DENND3: variants seen among roughly 807,000 people sequenced by gnomAD.
The protein encoded by DENND3 is DENN domain containing 3, also known as DENN domain-containing protein 3.
Under a neutral mutation model 135.1 loss-of-function variants are expected in DENND3, and 88 were observed. That is an observed-to-expected ratio of 0.65 (90% CI 0.55 to 0.78). DENND3 has a LOEUF of 0.78. Ranked by LOEUF, DENND3 falls within the 30% of genes least tolerant of loss-of-function variation. The probability of loss-of-function intolerance (pLI) is 0.00; values close to 1 mark genes in which losing one functional copy is unlikely to be tolerated. For synonymous variants in DENND3, 693 were observed against 712.3 expected, an observed-to-expected ratio of 0.97 and a Z score of 0.43; for missense variants, 1,392 against 1,688.4, an observed-to-expected ratio of 0.82 and a Z score of 3.08.
chr8:141,154,208 G>C lies in DENND3; in HGVS notation c.1075-1641G>C, dbSNP rs902435793. ...GGCCCAGAATGAGAGCCGGGGAGTCGGGGCCTTCCCCAGGAACCTGGCATT... is the reference window on the plus strand; with the variant it reads ...GGCCCAGAATGAGAGCCGGGGAGTCCGGGCCTTCCCCAGGAACCTGGCATT... On this transcript the variant is annotated intron_variant, in intron 7 of 22. Coordinates refer to ENST00000519811, the MANE Select transcript of DENND3 (RefSeq NM_001352890.3). This position sits in a 1 kb window ranked among gnomAD's most constrained non-coding sequence, Gnocchi z 4.4. Among the ~76,000 whole-genome samples, 1 of 152,230 alleles carries C rather than the reference G, an allele frequency of 6.6e-6. No homozygotes were observed. Among genetic ancestry groups the C allele is most frequent in the Admixed American group, 6.5e-5 (1 of 15,292 alleles).
rs751048030 is a variant in DENND3, at chr8:141,168,399, C to A, written c.2149C>A (p.His717Asn). Residue 717 changes from histidine to asparagine, a missense_variant, in exon 13 of 23, where the codon CAC (histidine) becomes AAC (asparagine). Coordinates refer to ENST00000519811, the MANE Select transcript of DENND3 (RefSeq NM_001352890.3). The surrounding 1 kb of genome is among the most constrained non-coding windows in gnomAD (Gnocchi z 6.2). ...KPHEASKLDD[H>N]VKKFKLPKKH... Reference sequence around the variant, plus strand: ...GCACGAGGCCTCGAAGCTGGACGACCACGTGAAGAAGTTCAAGCTGCCCAA... The same window carrying A: ...GCACGAGGCCTCGAAGCTGGACGACAACGTGAAGAAGTTCAAGCTGCCCAA... 6.2e-7 allele frequency: 1 copy of A among 1,613,896 alleles called. No homozygotes were observed.
rs910918133 is a variant in DENND3, at chr8:141,173,194, C to T, written c.2276-2006C>T. ...CAGCACAGGGGCTGCAGAGACCTGG[C>T]CTGACAGGCCCCGCCCACTGGGCCA... On this transcript the variant is annotated intron_variant, in intron 13 of 22. Transcript: ENST00000519811. Among the ~76,000 whole-genome samples the T allele has an allele frequency of 3.3e-5, 5 of 152,270 alleles. No individual in the cohort carries two copies. The South Asian group carries it at 6.2e-4, about 19-fold the overall frequency.
At chr8:141,143,199 C>T (rs1324400783) in intron 4 of DENND3, among the ~76,000 whole-genome samples, 1 of 152,132 alleles carries the variant, frequency 6.6e-6, no homozygotes, top group African/African-American at 2.4e-5. Flanking sequence ...CAAAATATGT[C>T]TCCACGTGGA....
At position 141,174,218 on chromosome 8, in the gene DENND3, A is replaced by T. The variant is rs1255938685; in HGVS notation, c.2276-982A>T. ...TCTTGGAAGAATGTGGCTGTGGTATACAGAAGCAGCCCTGAGTGTTAAACA... is the reference window on the plus strand; with the variant it reads ...TCTTGGAAGAATGTGGCTGTGGTATTCAGAAGCAGCCCTGAGTGTTAAACA... On this transcript the variant is annotated intron_variant, in intron 13 of 22. Coordinates refer to ENST00000519811, the MANE Select transcript of DENND3 (RefSeq NM_001352890.3). This position sits in a 1 kb window ranked among gnomAD's most constrained non-coding sequence, Gnocchi z 4.6. Among the ~76,000 whole-genome samples, 1 of 152,118 alleles carries T rather than the reference A, an allele frequency of 6.6e-6. No homozygotes were observed. Among genetic ancestry groups the T allele is most frequent in the Non-Finnish European group, 1.5e-5 (1 of 68,030 alleles).
intron 7 of DENND3, among the ~76,000 whole-genome samples, chr8:141,153,552 C>G (rs934136973): frequency 3.3e-5 from 5 of 152,196 alleles, no homozygotes; most frequent in Non-Finnish European, 5.9e-5. Flanking sequence ...ATGCTTCCCC[C>G]ACAAGTGTTG....
chr8:141,132,718 G>T (rs940722155), intron 1 of DENND3, among the ~76,000 whole-genome samples: 1 of 152,148 alleles, frequency 6.6e-6, no homozygotes, highest in Non-Finnish European at 1.5e-5. Flanking sequence ...AGACAACAGA[G>T]ATTTCATTCT....
In DENND3 at chr8:141,189,039, C is replaced by T. The variant is rs749465053; in HGVS notation, c.3138C>T (p.Ser1046=). ...AGGTGTGGGTTGGCTCGGAAGACTC[C>T]GTCATCTACATCATCAACGTCCACA... is the stretch of plus-strand genomic sequence containing the variant. ...QNQVWVGSED[S]VIYIINVHSM... The change falls in exon 19 of 23, where the codon TCC becomes TCT. Residue 1046 remains serine (S), a synonymous_variant. Transcript: ENST00000519811. 8.1e-6 allele frequency: 13 copies of T among 1,614,064 alleles called. No homozygotes were observed. In the Admixed American group the frequency reaches 8.3e-5, roughly 10 times the overall value.
At position 141,194,049 on chromosome 8, in the gene DENND3, G is replaced by A. The variant is rs73364408; in HGVS notation, c.3653G>A (p.Arg1218Gln). The stretch of plus-strand genomic sequence containing the variant: ...CCCTGGCAGGTCTGGGTGGGCAGCC[G>A]AGGGCTGGGGCAGGGAACACCCAAG... ...RVKKQVWVGSRGLGQGTPKGK... is the reference protein window; with the variant it reads ...RVKKQVWVGSQGLGQGTPKGK... The change falls in exon 23 of 23, where the codon CGA becomes CAA. Residue 1218 changes from arginine (R) to glutamine (Q), a missense_variant. Transcript: ENST00000519811. The A allele has an allele frequency of 6.1e-4, 990 of 1,613,598 alleles. 4 individuals carry two copies. In the African/African-American group the frequency reaches 7.3e-3, roughly 12 times the overall value.
At position 141,194,092 on chromosome 8, in the gene DENND3, T is replaced by G; in HGVS notation, c.3696T>G (p.Ile1232Met). The G allele has an allele frequency of 1.2e-6, 2 of 1,613,918 alleles. No homozygotes were observed. The highest frequency in any genetic ancestry group is 1.7e-6 in the Non-Finnish European group (2 of 1,179,992). Residue 1232 changes from isoleucine (I) to methionine (M), a missense_variant, in exon 23 of 23, where the codon ATT becomes ATG. Ile to Met is a conservative substitution (Grantham distance 10). Coordinates refer to ENST00000519811, the MANE Select transcript of DENND3 (RefSeq NM_001352890.3). ...CACCCAAGGGGAAAATCTACGTGAT[T>G]GACGCCGAGAGGAAGACCGTGGAGA... ...QGTPKGKIYV[I>M]DAERKTVEKE...
Position 141,135,151 on chromosome 8 carries a change from TC to T in DENND3, c.103-1357del, listed in dbSNP as rs1276822853. ...GCGCCCAGCTCTTTCTTTCTTTCTTTCTTTTTTTTTTTTTTTTTGAGACCAG... is the reference window on the plus strand; with the variant it reads ...GCGCCCAGCTCTTTCTTTCTTTCTTTTTTTTTTTTTTTTTTTTGAGACCAG... On this transcript the variant is annotated intron_variant, in intron 1 of 22. Transcript: ENST00000519811. Among the ~76,000 whole-genome samples, 6 of 146,540 alleles carry T rather than the reference TC, an allele frequency of 4.1e-5. No homozygotes were observed. In the South Asian group the frequency reaches 1.3e-3, roughly 31 times the overall value.
chr8:141,134,560 A>C (rs1816545937), intron 1 of DENND3, among the ~76,000 whole-genome samples: 1 of 152,100 alleles, frequency 6.6e-6, no homozygotes, highest in Admixed American at 6.5e-5. Context: ...AGCGTAAGCC[A>C]CCGCTCCCAG....
In DENND3 at chr8:141,194,372, GC is replaced by G; in HGVS notation, c.*141del. 2 of 1,052,606 alleles carry G rather than the reference GC, an allele frequency of 1.9e-6. No homozygotes were observed. Among genetic ancestry groups the G allele is most frequent in the South Asian group, 1.6e-5 (1 of 64,074 alleles). The allele number at this position is 1,052,606 out of a possible 1,614,324, so 65.2% of individuals were successfully genotyped here. ...CAGCATGGAGCCCACTTACCGTGTGGCCAGCCGCGAGACCCATGGCCACGCA... is the reference window on the plus strand; with the variant it reads ...CAGCATGGAGCCCACTTACCGTGTGGCAGCCGCGAGACCCATGGCCACGCA... On this transcript the variant is annotated 3_prime_UTR_variant, in exon 23 of 23. Coordinates refer to ENST00000519811, the MANE Select transcript of DENND3 (RefSeq NM_001352890.3).
At chr8:141,131,279 A>G (rs1350094729) in intron 1 of DENND3, among the ~76,000 whole-genome samples, 2 of 152,168 alleles carry the variant, frequency 1.3e-5, no homozygotes, top group East Asian at 1.9e-4. Context: ...ATTGGTTGCT[A>G]TGGAGACTAG....
At chr8:141,155,792 G>C (rs961930638) in intron 7 of DENND3, 57 bp from the exon 8 acceptor site, 2 of 1,535,646 alleles carry the variant, frequency 1.3e-6, no homozygotes, top group African/African-American at 1.4e-5. Flanking sequence ...TTTCAAAGAG[G>C]TATACAAATT....
chr8:141,185,279 G>C lies in DENND3; in HGVS notation c.3084+1G>C. On this transcript the variant is annotated splice_donor_variant, in intron 18 of 22. Coordinates refer to ENST00000519811, the MANE Select transcript of DENND3 (RefSeq NM_001352890.3). LOFTEE classifies it high-confidence loss of function. ...CTTTAAAGTGGGCACTGCAAAAGTG[G>C]TGAGTACACGAAGCGTCAGGAAAGA... is the stretch of plus-strand genomic sequence containing the variant. 6.2e-7 allele frequency: 1 copy of C among 1,614,164 alleles called. No individual in the cohort carries two copies. The highest frequency in any genetic ancestry group is 1.6e-4 in the Middle Eastern group (1 of 6,062).
Position 141,154,145 on chromosome 8 carries a change from A to G in DENND3, c.1075-1704A>G, listed in dbSNP as rs138848815. Among the ~76,000 whole-genome samples the G allele has an allele frequency of 2.4e-4, 36 of 152,356 alleles. No individual in the cohort carries two copies. In the East Asian group the frequency reaches 6.9e-3, roughly 29 times the overall value. Reference sequence around the variant, plus strand: ...TGAGGCCAAGAATGTGTTTGCACATATTTCATGTAGCCACCTGAACTGCAC... The same window carrying G: ...TGAGGCCAAGAATGTGTTTGCACATGTTTCATGTAGCCACCTGAACTGCAC... On this transcript the variant is annotated intron_variant, in intron 7 of 22. Coordinates refer to ENST00000519811, the MANE Select transcript of DENND3 (RefSeq NM_001352890.3). This position sits in a 1 kb window ranked among gnomAD's most constrained non-coding sequence, Gnocchi z 4.4.
At chr8:141,183,194 A>G (rs1823400621) in intron 17 of DENND3, among the ~76,000 whole-genome samples, 1 of 152,236 alleles carries the variant, frequency 6.6e-6, no homozygotes, top group Admixed American at 6.5e-5. Context: ...TAAATTATAT[A>G]TAAAATACCA....
Position 141,189,003 on chromosome 8 carries a change from C to A in DENND3, c.3102C>A (p.Ala1034=), listed in dbSNP as rs148733200. The A allele has an allele frequency of 1.7e-5, 28 of 1,613,818 alleles. 1 individual carries two copies. Among genetic ancestry groups the A allele is most frequent in the Non-Finnish European group, 2.3e-5 (27 of 1,179,890 alleles). ...GTAKVNCMVM[A]DQNQVWVGSE... ...CCTGTTAGAACTGCATGGTGATGGC[C>A]GACCAGAACCAGGTGTGGGTTGGCT... The change falls in exon 19 of 23, where the codon GCC becomes GCA. Residue 1034 remains alanine, a synonymous_variant. Coordinates refer to ENST00000519811, the MANE Select transcript of DENND3 (RefSeq NM_001352890.3).
In DENND3 at chr8:141,137,466, A is replaced by G. The variant is rs1344331763; in HGVS notation, c.386-556A>G. ...TGCAGTGGTTGGCAGATGGATTAAA[A>G]ATACATCCAGTTCATCTGCAGCGGT... On this transcript the variant is annotated intron_variant, in intron 2 of 22. Coordinates refer to ENST00000519811, the MANE Select transcript of DENND3 (RefSeq NM_001352890.3). This position sits in a 1 kb window ranked among gnomAD's most constrained non-coding sequence, Gnocchi z 4.1. Among the ~76,000 whole-genome samples the G allele has an allele frequency of 6.6e-6, 1 of 152,152 alleles. No homozygotes were observed. Among genetic ancestry groups the G allele is most frequent in the Admixed American group, 6.5e-5 (1 of 15,270 alleles).
Sources: gnomAD v4.1 joint callset for allele counts (sites outside exome capture counted in the v4.1 genomes callset) on GRCh38, gnomAD v4.1.1 for gene constraint, Gnocchi (gnomAD v3.1) non-coding constraint, MANE v1.5 for transcripts, NCBI Gene and HGNC (gene_info 2026-07-23, HGNC 2026-07-21) for gene names.